The following TENM2 variants were observed in gnomAD, a reference collection of about 807,000 sequenced individuals.
TENM2 encodes the protein teneurin transmembrane protein 2.
A neutral mutation model predicts 245.2 loss-of-function variants in TENM2; 52 were observed. The ratio of observed to expected loss-of-function variants is 0.21; its 90% CI spans 0.17 to 0.27. The LOEUF (loss-of-function observed/expected upper bound fraction) is 0.27. TENM2 is among the 10% of genes least tolerant of loss of function. The pLI, the probability that TENM2 is intolerant of heterozygous loss-of-function variation, is 1.00. For missense variants in TENM2, 3,046 were observed against 3,666.8 expected (o/e 0.83, Z 4.37); for synonymous variants, 1,363 against 1,438.9 (o/e 0.95, Z 1.19).
intron 3 of TENM2, among the ~76,000 whole-genome samples, chr5:167,919,689 T>C (rs1188279776): frequency 6.6e-6 from 1 of 152,182 alleles, no homozygotes; most frequent in Non-Finnish European, 1.5e-5. Flanking sequence ...AAGCTGTAGA[T>C]CTAGGTCTCA....
chr5:167,339,961 G>A (rs903178495), intron 1 of TENM2, among the ~76,000 whole-genome samples: 16 of 152,126 alleles, frequency 1.1e-4, no homozygotes, highest in Non-Finnish European at 2.4e-4. Flanking sequence ...ACATTTCTGT[G>A]CTTTATAAAT....
chr5:168,042,510 C>T (rs1788278823), intron 5 of TENM2, among the ~76,000 whole-genome samples: 1 of 152,104 alleles, frequency 6.6e-6, no homozygotes, highest in Non-Finnish European at 1.5e-5. Flanking sequence ...CCCACACATT[C>T]CCTAATTACT....
chr5:167,220,771 A>G, the TENM2 span, among the ~76,000 whole-genome samples: 6 of 152,102 alleles, frequency 3.9e-5, no homozygotes, highest in South Asian at 2.1e-4. Context: ...ATAAATAAAC[A>G]AGTGAATAAG....
At chr5:167,769,979 C>T (rs1763296878) in intron 2 of TENM2, among the ~76,000 whole-genome samples, 1 of 152,170 alleles carries the variant, frequency 6.6e-6, no homozygotes. Flanking sequence ...AGAATGTTCA[C>T]ATGGGAAATT....
At chr5:167,014,660 T>C in the TENM2 span, among the ~76,000 whole-genome samples, 32 of 152,318 alleles carry the variant, frequency 2.1e-4, no homozygotes, top group African/African-American at 7.2e-4. Flanking sequence ...TGAACAGATG[T>C]GGCTGGTTAA....
intron 9 of TENM2, among the ~76,000 whole-genome samples, chr5:168,108,752 C>A (rs988756037): frequency 6.6e-6 from 1 of 152,076 alleles, no homozygotes; most frequent in African/African-American, 2.4e-5. Flanking sequence ...TCCTGAAGTC[C>A]CCAACAATAA....
the TENM2 span, among the ~76,000 whole-genome samples, chr5:167,137,435 G>A: frequency 8.5e-5 from 13 of 152,154 alleles, no homozygotes; most frequent in Admixed American, 2.6e-4. Flanking sequence ...AAAAGGTTGC[G>A]AATGCACCTT....
At chr5:167,229,227 G>A in the TENM2 span, among the ~76,000 whole-genome samples, 1 of 152,218 alleles carries the variant, frequency 6.6e-6, no homozygotes, top group African/African-American at 2.4e-5. Context: ...TGCTGATGCT[G>A]GAATGCCAGA....
intron 6 of TENM2, among the ~76,000 whole-genome samples, chr5:168,052,168 A>G (rs1460449434): frequency 3.3e-5 from 5 of 152,156 alleles, no homozygotes; most frequent in Admixed American, 3.3e-4. Context: ...GAAGCCGATC[A>G]CGAGCTCAGG....
chr5:167,558,807 TG>T (rs916307102), intron 2 of TENM2, among the ~76,000 whole-genome samples: 2 of 151,356 alleles, frequency 1.3e-5, no homozygotes, highest in African/African-American at 4.9e-5. Flanking sequence ...CACCATCCAC[TG>T]GGTCCATGCA....
intron 2 of TENM2, among the ~76,000 whole-genome samples, chr5:167,561,035 A>T (rs1361442256): frequency 6.6e-6 from 1 of 152,222 alleles, no homozygotes; most frequent in African/African-American, 2.4e-5. Flanking sequence ...CCAGTTGAGA[A>T]ATCGCTATTA....
chr5:168,193,559 A>G (rs949217586), intron 14 of TENM2, among the ~76,000 whole-genome samples: 1 of 152,230 alleles, frequency 6.6e-6, no homozygotes, highest in East Asian at 1.9e-4. Flanking sequence ...AAAATAGAGG[A>G]TAGAAATCAC....
intron 13 of TENM2, among the ~76,000 whole-genome samples, chr5:168,177,024 T>G (rs1437098165): frequency 6.6e-6 from 1 of 152,218 alleles, no homozygotes; most frequent in Non-Finnish European, 1.5e-5. Context: ...GTTGGTGCAG[T>G]AGGTATGCAA....
At chr5:167,677,075 T>G (rs558638552) in intron 2 of TENM2, among the ~76,000 whole-genome samples, 1 of 152,132 alleles carries the variant, frequency 6.6e-6, no homozygotes, top group Admixed American at 6.6e-5. Flanking sequence ...CCTTTCCACA[T>G]GTGGAGGACA....
intron 2 of TENM2, among the ~76,000 whole-genome samples, chr5:167,709,100 G>T (rs1480449742): frequency 6.6e-6 from 1 of 152,080 alleles, no homozygotes; most frequent in Non-Finnish European, 1.5e-5. Context: ...CTATGCCAGA[G>T]CTCTGGAGGA....
chr5:168,034,096 T>C (rs190674336), intron 5 of TENM2, among the ~76,000 whole-genome samples: 136 of 117,456 alleles, frequency 1.2e-3, no homozygotes, highest in African/African-American at 4.4e-3. Context: ...TATATGTGTA[T>C]ATATATATGT....
At chr5:167,804,550 G>T (rs1320447315) in intron 2 of TENM2, among the ~76,000 whole-genome samples, 2 of 152,040 alleles carry the variant, frequency 1.3e-5, no homozygotes, top group African/African-American at 2.4e-5. Flanking sequence ...TCCTTTACGT[G>T]CATTATCTCA....
the TENM2 span, among the ~76,000 whole-genome samples, chr5:167,273,642 A>C: frequency 1.3e-5 from 2 of 152,112 alleles, no homozygotes; most frequent in African/African-American, 4.8e-5. Context: ...GCTTTTTGTG[A>C]TCCTTTCTAG....
At chr5:167,840,891 C>T (rs1004262387) in intron 2 of TENM2, among the ~76,000 whole-genome samples, 3 of 152,280 alleles carry the variant, frequency 2.0e-5, no homozygotes, top group Admixed American at 1.3e-4. Context: ...CCCAGCCCTC[C>T]GTTTGTGGGG....
Sources: gnomAD v4.1 joint callset for allele counts (sites outside exome capture counted in the v4.1 genomes callset) on GRCh38, gnomAD v4.1.1 for gene constraint, MANE v1.5 for transcripts, NCBI Gene and HGNC (gene_info 2026-07-23, HGNC 2026-07-21) for gene names.